SLC25A21: variants seen among roughly 807,000 people sequenced by gnomAD.
SLC25A21 encodes solute carrier family 25 member 21.
In SLC25A21, 47 loss-of-function variants were observed where a neutral mutation model predicts 43.8. That is an observed-to-expected ratio of 1.07 (90% confidence interval 0.85 to 1.37). The LOEUF is 1.37. Ranked by LOEUF, SLC25A21 falls within the 40% of genes most tolerant of loss-of-function variation. SLC25A21 has a pLI of 0.00. For missense variants in SLC25A21, 352 were observed against 350.2 expected (o/e 1.00, Z -0.04); for synonymous variants, 131 against 121.3 (o/e 1.08, Z -0.52).
At chr14:36,895,737 G>T (rs1015029900) in intron 1 of SLC25A21, among the ~76,000 whole-genome samples, 1 of 152,084 alleles carries the variant, frequency 6.6e-6, no homozygotes, top group East Asian at 1.9e-4. Context: ...CTGGTATGTT[G>T]TGTCTTTGTT....
In SLC25A21 at chr14:37,129,502, G is replaced by A. The variant is rs539659264; in HGVS notation, c.70+42779C>T. On this transcript the variant is annotated intron_variant, in intron 1 of 9. Coordinates refer to ENST00000331299, the MANE Select transcript of SLC25A21 (RefSeq NM_030631.4). ...GATTGTTCCTATGTGACCATGAAGC[G>A]CATTTCATACCAACCGTAATCCTAC... 7.9e-5 allele frequency among the ~76,000 whole-genome samples: 12 copies of A among 152,036 alleles called. No homozygotes were observed. The South Asian group carries it at 1.0e-3, about 13-fold the overall frequency.
Position 37,129,977 on chromosome 14 carries a change from T to TA in SLC25A21, c.70+42303_70+42304insT, listed in dbSNP as rs945114245. Among the ~76,000 whole-genome samples, 124 of 151,230 alleles carry TA rather than the reference T, an allele frequency of 8.2e-4. 2 individuals carry two copies. The highest frequency in any genetic ancestry group is 6.0e-4 in the Admixed American group (9 of 15,110). On this transcript the variant is annotated intron_variant, in intron 1 of 9. Transcript: ENST00000331299. ...ATTATGTTAAAACTTTTAGGCTTAG[T>TA]GCAGTGGCATACAACTGTAATCCCA... is the stretch of plus-strand genomic sequence containing the variant.
chr14:37,095,766 T>A (rs1285055042), intron 1 of SLC25A21, among the ~76,000 whole-genome samples: 1 of 149,258 alleles, frequency 6.7e-6, no homozygotes, highest in African/African-American at 2.5e-5. Context: ...TATCCTGTCT[T>A]TAAAAAAATG....
At chr14:36,913,899 T>C (rs1250101110) in intron 1 of SLC25A21, among the ~76,000 whole-genome samples, 1 of 152,230 alleles carries the variant, frequency 6.6e-6, no homozygotes, top group Non-Finnish European at 1.5e-5. Flanking sequence ...AGGAATATTC[T>C]AGTAAGTATG....
intron 1 of SLC25A21, among the ~76,000 whole-genome samples, chr14:36,984,845 T>C (rs995824252): frequency 6.6e-6 from 1 of 152,064 alleles, no homozygotes; most frequent in Non-Finnish European, 1.5e-5. Context: ...CAAAGGACTA[T>C]AAATCATGCT....
At chr14:37,002,281 C>G (rs1178907205) in intron 1 of SLC25A21, among the ~76,000 whole-genome samples, 1 of 152,090 alleles carries the variant, frequency 6.6e-6, no homozygotes, top group Non-Finnish European at 1.5e-5. Context: ...TGTTCTCCAC[C>G]ATATCTCTCT....
At chr14:36,792,532 T>C (rs943300895) in intron 3 of SLC25A21, among the ~76,000 whole-genome samples, 1 of 152,120 alleles carries the variant, frequency 6.6e-6, no homozygotes, top group Non-Finnish European at 1.5e-5. Flanking sequence ...AAAGATTGGT[T>C]TGCGATAGAG....
At chr14:36,716,990 T>C (rs1023151622) in intron 6 of SLC25A21, among the ~76,000 whole-genome samples, 1 of 152,162 alleles carries the variant, frequency 6.6e-6, no homozygotes, top group African/African-American at 2.4e-5. Context: ...TTTCATCACA[T>C]AGCTGGAAAG....
At chr14:37,061,539 T>C (rs1347957955) in intron 1 of SLC25A21, among the ~76,000 whole-genome samples, 2 of 152,088 alleles carry the variant, frequency 1.3e-5, no homozygotes, top group African/African-American at 4.8e-5. Context: ...AGAAATATAG[T>C]AGAATTGATA....
chr14:36,810,492 G>C (rs2138437803), intron 3 of SLC25A21, among the ~76,000 whole-genome samples: 1 of 152,184 alleles, frequency 6.6e-6, no homozygotes, highest in South Asian at 2.1e-4. Flanking sequence ...TAATATAAAG[G>C]TTTATATTAT....
chr14:37,069,045 CAG>C, intron 1 of SLC25A21, among the ~76,000 whole-genome samples: 1 of 151,936 alleles, frequency 6.6e-6, no homozygotes, highest in Admixed American at 6.6e-5. Context: ...GGCATGGTGG[CAG>C]GAGCCTGTAG....
At chr14:36,739,672 G>A (rs1885173593) in intron 3 of SLC25A21, among the ~76,000 whole-genome samples, 2 of 127,168 alleles carry the variant, frequency 1.6e-5, no homozygotes, top group African/African-American at 6.4e-5. Context: ...GCAAGACTCT[G>A]TCTAAAAAAA....
intron 7 of SLC25A21, among the ~76,000 whole-genome samples, chr14:36,685,692 CG>C: frequency 6.6e-6 from 1 of 152,146 alleles, no homozygotes; most frequent in East Asian, 1.9e-4. Context: ...AGGCCCTTCA[CG>C]TTGGTCTGAT....
At chr14:36,802,983 A>G (rs1887919624) in intron 3 of SLC25A21, among the ~76,000 whole-genome samples, 1 of 152,232 alleles carries the variant, frequency 6.6e-6, no homozygotes, top group Admixed American at 6.5e-5. Flanking sequence ...GAACCTGTGC[A>G]TTGCTTAGCT....
intron 1 of SLC25A21, among the ~76,000 whole-genome samples, chr14:36,940,874 T>C (rs1456340507): frequency 6.6e-6 from 1 of 152,138 alleles, no homozygotes; most frequent in East Asian, 1.9e-4. Flanking sequence ...AAAAGTACTG[T>C]GAAGGAATTG....
chr14:36,948,997 A>AACT (rs1313361836), intron 1 of SLC25A21, among the ~76,000 whole-genome samples: 4 of 152,212 alleles, frequency 2.6e-5, no homozygotes, highest in Non-Finnish European at 5.9e-5. Flanking sequence ...ACCAGTTGAG[A>AACT]ACTTACAAAT....
intron 1 of SLC25A21, among the ~76,000 whole-genome samples, chr14:37,011,669 T>C (rs981553532): frequency 6.6e-6 from 1 of 152,130 alleles, no homozygotes; most frequent in African/African-American, 2.4e-5. Flanking sequence ...GCTAATACGT[T>C]TATAGAGTGT....
intron 1 of SLC25A21, among the ~76,000 whole-genome samples, chr14:37,148,658 A>G (rs1963708599): frequency 6.6e-6 from 1 of 152,216 alleles, no homozygotes; most frequent in South Asian, 2.1e-4. Context: ...TGCATTGAAT[A>G]AATATACATT....
chr14:36,776,226 C>CTTTTTTTTTTT (rs1227806836), intron 3 of SLC25A21, among the ~76,000 whole-genome samples: 1 of 48,086 alleles, frequency 2.1e-5, no homozygotes, highest in Admixed American at 2.6e-4. Flanking sequence ...TTTTCTTTTT[C>CTTTTTTTTTTT]TTTCTTTCTT....
Sources: gnomAD v4.1 joint callset for allele counts (sites outside exome capture counted in the v4.1 genomes callset) on GRCh38, gnomAD v4.1.1 for gene constraint, MANE v1.5 for transcripts, NCBI Gene and HGNC (gene_info 2026-07-23, HGNC 2026-07-21) for gene names.